Variants in ZNF584 observed in about 807,000 individuals in gnomAD.
The protein encoded by ZNF584 is zinc finger protein 584.
ZNF584 carries 12 observed loss-of-function variants against 14.7 expected under a neutral mutation model. The observed-to-expected ratio is 0.82, with a 90% CI of 0.52 to 1.32. The LOEUF is 1.32. ZNF584 is among the 40% of genes most tolerant of loss of function. The pLI is 0.00. For missense variants in ZNF584, 478 were observed against 518.8 expected (o/e 0.92, Z 0.76); for synonymous variants, 204 against 190.9 (o/e 1.07, Z -0.57).
chr19:58,409,395 G>C (rs2052512530), intron 1 of ZNF584, among the ~76,000 whole-genome samples: 1 of 152,252 alleles, frequency 6.6e-6, no homozygotes, highest in Non-Finnish European at 1.5e-5. Flanking sequence ...CGCATGTGCA[G>C]AACGGCGTGT....
intron 2 of ZNF584, among the ~76,000 whole-genome samples, chr19:58,414,189 G>A (rs1167103984): frequency 6.6e-6 from 1 of 151,992 alleles, no homozygotes; most frequent in Non-Finnish European, 1.5e-5. Flanking sequence ...TTTGACTCTG[G>A]ATTTTTAGGA....
At position 58,408,947 on chromosome 19, in the gene ZNF584, C is replaced by A; in HGVS notation, c.-201C>A. On this transcript the variant is annotated 5_prime_UTR_variant, in exon 1 of 4. Coordinates refer to ENST00000306910, the MANE Select transcript of ZNF584 (RefSeq NM_173548.3). ...CTTCCTCAGACTTATCGCTCGCGGA[C>A]AGGCGCCGTGGGTCTCCCGGGCCTC... 1 of 533,708 alleles carries A rather than the reference C, an allele frequency of 1.9e-6. No individual in the cohort carries two copies. Among genetic ancestry groups the A allele is most frequent in the Non-Finnish European group, 3.1e-6 (1 of 321,134 alleles). The allele number at this position is 533,708 out of a possible 1,614,324, so 33.1% of individuals were successfully genotyped here.
In ZNF584 at chr19:58,409,991, G is replaced by C; in HGVS notation, c.69G>C (p.Thr23=). 6.2e-7 allele frequency: 1 copy of C among 1,614,002 alleles called. No homozygotes were observed. The change falls in exon 2 of 4, where the codon ACG becomes ACC. Residue 23 remains threonine, a synonymous_variant. Transcript: ENST00000306910. ...LQGLVMFEDV[T]VYFSREEWGL... ...GCTTGGTGATGTTTGAGGATGTGAC[G>C]GTATATTTCTCCAGGGAGGAGTGGG...
rs146594787 is a variant in ZNF584, at chr19:58,410,154, C to T, written c.169+63C>T. 912 of 1,527,970 alleles carry T rather than the reference C, an allele frequency of 6.0e-4. 4 individuals are homozygous for T. In the East Asian group the frequency reaches 0.018, roughly 31 times the overall value. The allele number at this position is 1,527,970 out of a possible 1,614,324, so 94.7% of individuals were successfully genotyped here. On this transcript the variant is annotated intron_variant, in intron 2 of 3. Coordinates refer to ENST00000306910, the MANE Select transcript of ZNF584 (RefSeq NM_173548.3). The stretch of plus-strand genomic sequence containing the variant: ...CCCCTCATTTTCCCCATGCGAAGTT[C>T]TGTCCATAACGAAGCCAGACCATGG...
chr19:58,415,909 G>A lies in ZNF584; in HGVS notation c.292+263G>A, dbSNP rs114725498. 1,705 of 1,598,976 alleles carry A rather than the reference G, an allele frequency of 1.1e-3. 12 individuals are homozygous for A. In the African/African-American group the frequency reaches 0.017, roughly 16 times the overall value. ...CTGTCTACTGTTGGCGACTCAGTGC[G>A]TGTCTTGAAATGTGCACATATCCTT... On this transcript the variant is annotated intron_variant, in intron 3 of 3. Coordinates refer to ENST00000306910, the MANE Select transcript of ZNF584 (RefSeq NM_173548.3).
chr19:58,416,538 G>A (rs1366950154), intron 3 of ZNF584: 5 of 280,172 alleles, frequency 1.8e-5, no homozygotes, highest in Non-Finnish European at 3.4e-5. Flanking sequence ...GAGTAGCTGG[G>A]ATTACAGGCA....
intron 2 of ZNF584, among the ~76,000 whole-genome samples, chr19:58,410,714 T>C (rs1430673839): frequency 3.8e-5 from 2 of 53,012 alleles, no homozygotes; most frequent in East Asian, 3.4e-4. Flanking sequence ...TGTATATATG[T>C]GTATATATAT....
chr19:58,413,685 G>C (rs938385025), intron 2 of ZNF584, among the ~76,000 whole-genome samples: 2 of 149,308 alleles, frequency 1.3e-5, no homozygotes, highest in African/African-American at 4.9e-5. Flanking sequence ...TTTTTTGGTA[G>C]AGACAGGGTT....
At chr19:58,402,561 G>A (rs950134700) in intron 1 of ZNF584, among the ~76,000 whole-genome samples, 1 of 152,220 alleles carries the variant, frequency 6.6e-6, no homozygotes, top group South Asian at 2.1e-4. Context: ...GGTGGCTCAC[G>A]CCTGTAATCC....
intron 2 of ZNF584, among the ~76,000 whole-genome samples, chr19:58,410,536 T>C (rs1366252020): frequency 0.013 from 301 of 23,436 alleles, 32 homozygotes; most frequent in African/African-American, 0.067. Context: ...TATATATATA[T>C]ATATATATAT....
chr19:58,410,778 A>ATTTT (rs869150389), intron 2 of ZNF584, among the ~76,000 whole-genome samples: 805 of 8,912 alleles, frequency 0.09, 358 homozygotes, highest in East Asian at 0.22. Flanking sequence ...TATATATATA[A>ATTTT]TTTTTTTTTT....
At position 58,410,145 on chromosome 19, in the gene ZNF584, T is replaced by A. The variant is rs1031424652; in HGVS notation, c.169+54T>A. 3.2e-6 allele frequency: 5 copies of A among 1,546,556 alleles called. No individual in the cohort carries two copies. In the African/African-American group the frequency reaches 5.5e-5, roughly 17 times the overall value. ...ACTGACTACCCCCTCATTTTCCCCA[T>A]GCGAAGTTCTGTCCATAACGAAGCC... On this transcript the variant is annotated intron_variant, in intron 2 of 3. Transcript: ENST00000306910.
exon 1 of ZNF584, chr19:58,401,590 G>A (rs2052431126): frequency 6.6e-6 from 1 of 152,226 alleles, no homozygotes; most frequent in Non-Finnish European, 1.5e-5. Context: ...GCGCTGGCGA[G>A]AGGAAAGGCT....
chr19:58,417,622 C>G lies in ZNF584; in HGVS notation c.1104C>G (p.Tyr368Ter). The G allele has an allele frequency of 6.2e-7, 1 of 1,614,152 alleles. No homozygotes were observed. Residue 368 changes from tyrosine (Y) to a stop codon, truncating the protein, a stop_gained, in exon 4 of 4, where the codon TAC (tyrosine) becomes TAG (stop). Coordinates refer to ENST00000306910, the MANE Select transcript of ZNF584 (RefSeq NM_173548.3). LOFTEE classifies it low-confidence loss of function (END_TRUNC). ...GGAAAACCTTCACTACCAGATCCTA[C>G]CGCAATCGGCACCAGCAGTTCCACA... ...LCGKTFTTRS[Y>*]RNRHQQFHTE...
At chr19:58,413,346 C>CT (rs975608544) in intron 2 of ZNF584, among the ~76,000 whole-genome samples, 25 of 150,370 alleles carry the variant, frequency 1.7e-4, no homozygotes, top group African/African-American at 5.1e-4. Flanking sequence ...TTTTCTTTTT[C>CT]TTTTTTTTTA....
Position 58,410,544 on chromosome 19 carries a change from T to TTTTTTTTTTTTTTTTTTTTTTTTGAG in ZNF584, c.169+453_169+454insTTTTTTTTTTTTTTTTTTTTTTTGAG, listed in dbSNP as rs1568584359. ...ATATATATATATATATATATATATA[T>TTTTTTTTTTTTTTTTTTTTTTTTGAG]ATATATATATATATGTGTATATATA... is the stretch of plus-strand genomic sequence containing the variant. On this transcript the variant is annotated intron_variant, in intron 2 of 3. Transcript: ENST00000306910. 6.5e-5 allele frequency among the ~76,000 whole-genome samples: 4 copies of TTTTTTTTTTTTTTTTTTTTTTTTGAG among 61,730 alleles called. 1 individual carries two copies. The highest frequency in any genetic ancestry group is 1.1e-4 in the Non-Finnish European group (4 of 36,758). The allele number at this position is 61,730 out of a possible 152,430, so 40.5% of individuals were successfully genotyped here.
chr19:58,404,499 A>C (rs2052451020), upstream of ZNF584: 1 of 165,398 alleles, frequency 6.0e-6, no homozygotes, highest in Non-Finnish European at 1.3e-5. Flanking sequence ...CCCTTAATCC[A>C]TTCAACCCTG....
intron 2 of ZNF584, among the ~76,000 whole-genome samples, chr19:58,410,655 G>GTATATATGTGTATATATATA (rs1315199297): frequency 9.7e-5 from 2 of 20,684 alleles, no homozygotes; most frequent in Non-Finnish European, 1.6e-4. Flanking sequence ...GTGTATATAT[G>GTATATATGTGTATATATATA]TGTATATATG....
At position 58,417,697 on chromosome 19, in the gene ZNF584, T is replaced by C. The variant is rs1216100084; in HGVS notation, c.1179T>C (p.His393=). The C allele has an allele frequency of 1.9e-6, 3 of 1,614,138 alleles. No individual in the cohort carries two copies. The East Asian group carries it at 6.7e-5, about 36-fold the overall frequency. Residue 393 remains histidine, a synonymous_variant, in exon 4 of 4, where the codon CAT becomes CAC. Transcript: ENST00000306910. ...ECTECGKAFK[H]SSTLLQHKKV... is the part of the protein sequence containing the mutation. ...CAGAGTGTGGGAAGGCCTTCAAACATAGTTCCACCCTCCTTCAGCACAAGA... is the reference window on the plus strand; with the variant it reads ...CAGAGTGTGGGAAGGCCTTCAAACACAGTTCCACCCTCCTTCAGCACAAGA...
Sources: gnomAD v4.1 joint callset for allele counts (sites outside exome capture counted in the v4.1 genomes callset) on GRCh38, gnomAD v4.1.1 for gene constraint, MANE v1.5 for transcripts, NCBI Gene and HGNC (gene_info 2026-07-23, HGNC 2026-07-21) for gene names.